The following PDE3A variants were observed in gnomAD, a reference collection of about 807,000 sequenced individuals.
The protein encoded by PDE3A is cGMP-inhibited 3',5'-cyclic phosphodiesterase 3A.
Under a neutral mutation model 98.3 loss-of-function variants are expected in PDE3A, and 43 were observed. The ratio of observed to expected loss-of-function variants is 0.44; its 90% CI spans 0.34 to 0.56. The LOEUF (loss-of-function observed/expected upper bound fraction) is 0.56, where lower values mean the gene tolerates loss of function less well. Among genes scored for constraint, PDE3A ranks in the 20% least tolerant of loss-of-function variants. The probability of loss-of-function intolerance (pLI) is 0.01; values close to 1 mark genes in which losing one functional copy is unlikely to be tolerated. For synonymous variants in PDE3A, 663 were observed against 567.9 expected (o/e 1.17, Z -2.38); for missense variants, 1,427 against 1,440.7 (o/e 0.99, Z 0.15).
chr12:20,369,847 T>A lies in PDE3A; in HGVS notation c.563T>A (p.Leu188His), dbSNP rs747295583. 1 of 1,611,406 alleles carries A rather than the reference T, an allele frequency of 6.2e-7. No individual in the cohort carries two copies. Among genetic ancestry groups the A allele is most frequent in the South Asian group, 1.1e-5 (1 of 90,930 alleles). The change falls in exon 1 of 16, where the codon CTC (leucine) becomes CAC (histidine). Residue 188 changes from leucine (L) to histidine (H), a missense_variant. By Grantham distance (99) the Leu-to-His change is moderately conservative. Transcript: ENST00000359062. The part of the protein sequence containing the change: ...LGVGEDHLLS[L>H]PAAGVVLSCL... ...GTCGGGGAGGATCACTTACTCTCAC[T>A]CCCCGCCGCGGGGGTGGTGCTCAGC...
intron 1 of PDE3A, among the ~76,000 whole-genome samples, chr12:20,501,580 C>T (rs532764896): frequency 4.6e-5 from 7 of 152,166 alleles, no homozygotes; most frequent in South Asian, 4.1e-4. Context: ...TGAAATTATT[C>T]GTAGAGCGAG....
chr12:20,591,940 T>G (rs529741723), intron 2 of PDE3A, among the ~76,000 whole-genome samples: 70 of 152,334 alleles, frequency 4.6e-4, no homozygotes, highest in African/African-American at 1.7e-3. Context: ...GCAAACATTT[T>G]TATGCACTTC....
chr12:20,629,996 T>A lies in PDE3A; in HGVS notation c.1629T>A (p.Ser543=). The change falls in exon 6 of 16, where the codon TCT becomes TCA. Residue 543 remains serine (S), a synonymous_variant. Coordinates refer to ENST00000359062, the MANE Select transcript of PDE3A (RefSeq NM_000921.5). ...TPASSLVSKI[S]AVQFPESADT... ...CCAGCAGCCTGGTCAGCAAAATTTC[T>A]GCAGTGCAGTTTCCAGAATCTGCTG... 6.2e-7 allele frequency: 1 copy of A among 1,614,056 alleles called. No homozygotes were observed. Among genetic ancestry groups the A allele is most frequent in the Non-Finnish European group, 8.5e-7 (1 of 1,179,936 alleles).
chr12:20,479,627 G>C (rs34267057), intron 1 of PDE3A, among the ~76,000 whole-genome samples: 2 of 152,110 alleles, frequency 1.3e-5, no homozygotes, highest in African/African-American at 4.8e-5. Context: ...TTGCTCCTTT[G>C]AGTTTATGGT....
chr12:20,386,004 AT>A (rs1192549090), intron 1 of PDE3A, among the ~76,000 whole-genome samples: 49 of 105,938 alleles, frequency 4.6e-4, no homozygotes, highest in Admixed American at 1.3e-3. Flanking sequence ...AAATATATAT[AT>A]AAATATATAT....
At chr12:20,555,939 G>T (rs1262489295) in intron 1 of PDE3A, among the ~76,000 whole-genome samples, 1 of 152,056 alleles carries the variant, frequency 6.6e-6, no homozygotes, top group Non-Finnish European at 1.5e-5. Flanking sequence ...CTTATTAGCT[G>T]TAAATACTTC....
intron 1 of PDE3A, among the ~76,000 whole-genome samples, chr12:20,511,215 C>T (rs1414201007): frequency 1.3e-5 from 2 of 152,050 alleles, no homozygotes; most frequent in African/African-American, 4.8e-5. Flanking sequence ...CATATATTTC[C>T]TTGCTCCGCA....
Position 20,647,047 on chromosome 12 carries a change from C to A in PDE3A, c.2565+97C>A, listed in dbSNP as rs1592144216. The A allele has an allele frequency of 6.5e-6, 5 of 767,192 alleles. No individual in the cohort carries two copies. The East Asian group carries it at 7.5e-5, about 12-fold the overall frequency. 47.5% of individuals were successfully genotyped at this position (767,192 alleles called of 1,614,324 possible). ...ATAACAGGCACCAAGTTAATATAAG[C>A]CAAACTATACATAGTCTTACGTTGA... On this transcript the variant is annotated intron_variant, in intron 12 of 15. Coordinates refer to ENST00000359062, the MANE Select transcript of PDE3A (RefSeq NM_000921.5).
chr12:20,554,055 A>G (rs187351018), intron 1 of PDE3A, among the ~76,000 whole-genome samples: 1 of 151,710 alleles, frequency 6.6e-6, no homozygotes, highest in Admixed American at 6.6e-5. Flanking sequence ...CTGTATATGT[A>G]CCAAGAAAGA....
At chr12:20,650,359 A>T in intron 13 of PDE3A, 86 bp from the exon 14 acceptor site, 1 of 791,858 alleles carries the variant, frequency 1.3e-6, no homozygotes, top group Non-Finnish European at 2.0e-6. Flanking sequence ...TAATATGAAG[A>T]CAATAAATGT....
At chr12:20,654,916 T>C (rs975447757) in intron 15 of PDE3A, among the ~76,000 whole-genome samples, 4 of 152,060 alleles carry the variant, frequency 2.6e-5, no homozygotes, top group South Asian at 2.1e-4. Context: ...TGTGAATAGA[T>C]AGGAGGTAGT....
At chr12:20,428,343 G>C (rs1037387088) in intron 1 of PDE3A, among the ~76,000 whole-genome samples, 2 of 152,026 alleles carry the variant, frequency 1.3e-5, no homozygotes, top group Non-Finnish European at 2.9e-5. Flanking sequence ...GCAGAGGTGC[G>C]ATCTCCACTC....
At chr12:20,640,055 C>A in intron 10 of PDE3A, 98 bp downstream of exon 10, 1 of 629,150 alleles carries the variant, frequency 1.6e-6, no homozygotes, top group Non-Finnish European at 2.9e-6. Flanking sequence ...CACAGAATTA[C>A]ACATGGTAGA....
At chr12:20,550,399 G>A (rs1942166740) in intron 1 of PDE3A, among the ~76,000 whole-genome samples, 1 of 152,068 alleles carries the variant, frequency 6.6e-6, no homozygotes, top group South Asian at 2.1e-4. Context: ...GTAAGGTATT[G>A]TCAATGTTTG....
chr12:20,550,211 C>T (rs1942161081), intron 1 of PDE3A, among the ~76,000 whole-genome samples: 1 of 151,854 alleles, frequency 6.6e-6, no homozygotes, highest in Admixed American at 6.5e-5. Flanking sequence ...GAGAATTTAC[C>T]ACCTTATTTT....
At chr12:20,393,347 A>G (rs1943953285) in intron 1 of PDE3A, among the ~76,000 whole-genome samples, 2 of 151,978 alleles carry the variant, frequency 1.3e-5, no homozygotes. Context: ...TTATAAAACC[A>G]TCAGATCTCA....
intron 1 of PDE3A, among the ~76,000 whole-genome samples, chr12:20,380,549 T>C (rs1355419087): frequency 1.3e-5 from 2 of 151,888 alleles, no homozygotes; most frequent in Non-Finnish European, 2.9e-5. Flanking sequence ...AGTATTGTTA[T>C]ATCCTCTCAC....
At chr12:20,469,060 T>C (rs1307809973) in intron 1 of PDE3A, among the ~76,000 whole-genome samples, 1 of 152,152 alleles carries the variant, frequency 6.6e-6, no homozygotes, top group East Asian at 1.9e-4. Context: ...CAGAACCCAG[T>C]GATAGTATGC....
At position 20,650,459 on chromosome 12, in the gene PDE3A, T is replaced by C; in HGVS notation, c.2784T>C (p.Val928=). 6.2e-7 allele frequency: 1 copy of C among 1,606,924 alleles called. No homozygotes were observed. The highest frequency in any genetic ancestry group is 8.5e-7 in the Non-Finnish European group (1 of 1,175,316). The change falls in exon 14 of 16, where the codon GTT becomes GTC. Residue 928 remains valine, a synonymous_variant. Coordinates refer to ENST00000359062, the MANE Select transcript of PDE3A (RefSeq NM_000921.5). ...CTCTCAAATAGGTAAATGATGATGTTGGAATAGATTGGACCAATGAAAATG... is the reference window on the plus strand; with the variant it reads ...CTCTCAAATAGGTAAATGATGATGTCGGAATAGATTGGACCAATGAAAATG... ...AKFNGKVNDD[V]GIDWTNENDR...
Sources: allele counts gnomAD v4.1 joint callset (sites outside exome capture counted in the v4.1 genomes callset), GRCh38; gene constraint gnomAD v4.1.1; transcripts MANE v1.5; gene names NCBI Gene and HGNC (gene_info 2026-07-23, HGNC 2026-07-21).